Variants in UBQLN2 observed in about 807,000 individuals in gnomAD.
UBQLN2 encodes ubiquilin 2.
Under a neutral mutation model 22.2 loss-of-function variants are expected in UBQLN2, and 2 were observed. The observed-to-expected ratio is 0.09, with a 90% confidence interval of 0.04 to 0.28. The LOEUF is 0.28. Ranked by LOEUF, UBQLN2 falls within the 10% of genes least tolerant of loss-of-function variation. The pLI, the probability that UBQLN2 is intolerant of heterozygous loss-of-function variation, is 1.00. For missense variants in UBQLN2, 446 were observed against 505.1 expected (o/e 0.88, Z 1.12); for synonymous variants, 252 against 206.7 (o/e 1.22, Z -1.88).
At position 56,565,769 on chromosome X, in the gene UBQLN2, A is replaced by C. The variant is rs1044684488; in HGVS notation, c.*21A>C. 3 of 1,162,760 alleles carry C rather than the reference A, an allele frequency of 2.6e-6. No homozygotes were observed. The African/African-American group carries it at 5.3e-5, about 21-fold the overall frequency. ...CGTAATCACATTTCTGTACCTGGAAAAAAAATGTATCTTATTTTTGATAAT... is the reference window on the plus strand; with the variant it reads ...CGTAATCACATTTCTGTACCTGGAACAAAAATGTATCTTATTTTTGATAAT... On this transcript the variant is annotated 3_prime_UTR_variant, in exon 1 of 1. Coordinates refer to ENST00000338222, the MANE Select transcript of UBQLN2 (RefSeq NM_013444.4).
Position 56,564,917 on chromosome X carries a change from T to C in UBQLN2, c.1044T>C (p.Asn348=). The C allele has an allele frequency of 1.7e-6, 2 of 1,211,029 alleles. No individual in the cohort carries two copies. Among genetic ancestry groups the C allele is most frequent in the Non-Finnish European group, 2.2e-6 (2 of 895,064 alleles). The part of the protein sequence containing the change: ...TGSGSGNSSS[N]ATGNTVAAAN... ...GTGGGTCTGGCAATAGTTCCAGCAA[T>C]GCTACTGGGAACACCGTTGCTGCCG... The change falls in exon 1 of 1, where the codon AAT becomes AAC. Residue 348 remains asparagine (N), a synonymous_variant. Coordinates refer to ENST00000338222, the MANE Select transcript of UBQLN2 (RefSeq NM_013444.4).
chrX:56,565,780 C>T lies in UBQLN2; in HGVS notation c.*32C>T. On this transcript the variant is annotated 3_prime_UTR_variant, in exon 1 of 1. Coordinates refer to ENST00000338222, the MANE Select transcript of UBQLN2 (RefSeq NM_013444.4). ...TTCTGTACCTGGAAAAAAAATGTAT[C>T]TTATTTTTGATAATGGCTCTTAAAT... 1 of 1,131,396 alleles carries T rather than the reference C, an allele frequency of 8.8e-7. No homozygotes were observed. Among genetic ancestry groups the T allele is most frequent in the Non-Finnish European group, 1.2e-6 (1 of 834,562 alleles). 93.2% of individuals were successfully genotyped at this position (1,131,396 alleles called of 1,213,427 possible). A position where few individuals can be genotyped will look rare whatever the true frequency, so the allele number is the denominator to read the frequency against.
Position 56,565,432 on chromosome X carries a change from G to A in UBQLN2, c.1559G>A (p.Gly520Asp). Reference protein sequence around the residue: ...IGPIGPIGPTGPAAPPGSTGS... With the variant: ...IGPIGPIGPTDPAAPPGSTGS... ...CCCATTGGGCCCATAGGACCCACTGGCCCTGCAGCCCCCCCTGGCTCCACC... is the reference window on the plus strand; with the variant it reads ...CCCATTGGGCCCATAGGACCCACTGACCCTGCAGCCCCCCCTGGCTCCACC... The change falls in exon 1 of 1, where the codon GGC (glycine) becomes GAC (aspartate). Residue 520 changes from glycine to aspartate, a missense_variant. This residue lies in a region of UBQLN2 where 278 missense variants were observed against 279.4 expected (regional missense o/e 1.00). Transcript: ENST00000338222. The A allele has an allele frequency of 8.4e-7, 1 of 1,193,713 alleles. No homozygotes were observed.
Position 56,564,796 on chromosome X carries a change from C to T in UBQLN2, c.923C>T (p.Ser308Phe). 8.3e-7 allele frequency: 1 copy of T among 1,211,394 alleles called. No homozygotes were observed. The highest frequency in any genetic ancestry group is 1.1e-6 in the Non-Finnish European group (1 of 895,415). Residue 308 changes from serine to phenylalanine, a missense_variant, in exon 1 of 1, where the codon TCC (serine) becomes TTC (phenylalanine). By Grantham distance (155) the Ser-to-Phe change is radical. Around this residue, in one of 3 missense-constraint regions of UBQLN2, gnomAD observed 278 missense variants for 279.4 expected, o/e 1.00. Transcript: ENST00000338222. Reference sequence around the variant, plus strand: ...TCCTCTGGGGAAGGTACGCAGCCTTCCCGCACAGAAAATCGCGATCCACTA... The same window carrying T: ...TCCTCTGGGGAAGGTACGCAGCCTTTCCGCACAGAAAATCGCGATCCACTA... ...SSSSGEGTQP[S>F]RTENRDPLPN...
Position 56,564,052 on chromosome X carries a change from C to T in UBQLN2, c.179C>T (p.Ala60Val), listed in dbSNP as rs368346745. The T allele has an allele frequency of 4.2e-6, 5 of 1,198,865 alleles. No homozygotes were observed. The highest frequency in any genetic ancestry group is 4.5e-5 in the Admixed American group (2 of 44,263). The change falls in exon 1 of 1, where the codon GCG becomes GTG. Residue 60 changes from alanine (A) to valine (V), a missense_variant. Physicochemically the swap from Ala to Val is moderately conservative, Grantham distance 64. Transcript: ENST00000338222. Reference sequence around the variant, plus strand: ...AGCTCGGTTCAGCAGTTTAAGGAAGCGATTTCGAAACGCTTCAAATCCCAA... The same window carrying T: ...AGCTCGGTTCAGCAGTTTAAGGAAGTGATTTCGAAACGCTTCAAATCCCAA... ...ENSSVQQFKE[A>V]ISKRFKSQTD...
rs1460851172 is a variant in UBQLN2 at position 56,566,782 on chromosome X, A to G, written c.*1034A>G. ...GACCCTAATATGCATTTTGATTTGT[A>G]ATTGGAAATGTAACTTTCACTGAAA... On this transcript the variant is annotated 3_prime_UTR_variant, in exon 1 of 1. Coordinates refer to ENST00000338222, the MANE Select transcript of UBQLN2 (RefSeq NM_013444.4). 1.6e-5 allele frequency: 2 copies of G among 122,909 alleles called. No homozygotes were observed. The highest frequency in any genetic ancestry group is 3.8e-5 in the Non-Finnish European group (2 of 53,108). 10.1% of individuals were successfully genotyped at this position (122,909 alleles called of 1,213,427 possible).
In UBQLN2 at chrX:56,565,013, C is replaced by A; in HGVS notation, c.1140C>A (p.Pro380=). ...TGCTGCAACAGATAACTGAAAACCC[C>A]CAGCTGATTCAGAATATGCTGTCGG... ...QSLLQQITEN[P]QLIQNMLSAP... is the part of the protein sequence containing the mutation. Residue 380 remains proline (P), a synonymous_variant, in exon 1 of 1, where the codon CCC becomes CCA. Coordinates refer to ENST00000338222, the MANE Select transcript of UBQLN2 (RefSeq NM_013444.4). 1 of 1,211,919 alleles carries A rather than the reference C, an allele frequency of 8.3e-7. No homozygotes were observed. The highest frequency in any genetic ancestry group is 2.3e-4 in the Middle Eastern group (1 of 4,353).
Position 56,564,888 on chromosome X carries a change from G to A in UBQLN2, c.1015G>A (p.Gly339Ser). ...AACTACCAGCACGACCACAAGCACT[G>A]GTAGTGGGTCTGGCAATAGTTCCAG... ...SATTSTTTST[G>S]SGSGNSSSNA... Residue 339 changes from glycine to serine, a missense_variant, in exon 1 of 1, where the codon GGT becomes AGT. Around this residue, in one of 3 missense-constraint regions of UBQLN2, gnomAD observed 278 missense variants for 279.4 expected, o/e 1.00. Coordinates refer to ENST00000338222, the MANE Select transcript of UBQLN2 (RefSeq NM_013444.4). 1 of 1,211,207 alleles carries A rather than the reference G, an allele frequency of 8.3e-7. No homozygotes were observed. Among genetic ancestry groups the A allele is most frequent in the Non-Finnish European group, 1.1e-6 (1 of 895,247 alleles).
Position 56,564,910 on chromosome X carries a change from C to G in UBQLN2, c.1037C>G (p.Ser346Cys), listed in dbSNP as rs753009660. 49 of 1,209,044 alleles carry G rather than the reference C, an allele frequency of 4.1e-5. No homozygotes were observed. Among genetic ancestry groups the G allele is most frequent in the Non-Finnish European group, 5.0e-5 (45 of 894,823 alleles). Reference protein sequence around the residue: ...TSTGSGSGNSSSNATGNTVAA... With the variant: ...TSTGSGSGNSCSNATGNTVAA... Reference sequence around the variant, plus strand: ...ACTGGTAGTGGGTCTGGCAATAGTTCCAGCAATGCTACTGGGAACACCGTT... The same window carrying G: ...ACTGGTAGTGGGTCTGGCAATAGTTGCAGCAATGCTACTGGGAACACCGTT... The change falls in exon 1 of 1, where the codon TCC becomes TGC. Residue 346 changes from serine to cysteine, a missense_variant. Ser to Cys is a moderately radical substitution (Grantham distance 112). Coordinates refer to ENST00000338222, the MANE Select transcript of UBQLN2 (RefSeq NM_013444.4).
chrX:56,563,908 G>C lies in UBQLN2; in HGVS notation c.35G>C (p.Arg12Pro). Reference protein sequence around the residue: ...AENGESSGPPRPSRGPAAAQG... With the variant: ...AENGESSGPPPPSRGPAAAQG... The stretch of plus-strand genomic sequence containing the variant: ...AATGGCGAGAGCAGCGGCCCCCCGC[G>C]CCCCTCCCGCGGCCCTGCTGCGGCC... The change falls in exon 1 of 1, where the codon CGC becomes CCC. Residue 12 changes from arginine (R) to proline (P), a missense_variant. Arg to Pro is a moderately radical substitution (Grantham distance 103, BLOSUM62 -2). Coordinates refer to ENST00000338222, the MANE Select transcript of UBQLN2 (RefSeq NM_013444.4). The C allele has an allele frequency of 8.7e-7, 1 of 1,150,336 alleles. No individual in the cohort carries two copies. Among genetic ancestry groups the C allele is most frequent in the South Asian group, 2.0e-5 (1 of 49,336 alleles). 94.8% of individuals were successfully genotyped at this position (1,150,336 alleles called of 1,213,427 possible).
Position 56,564,140 on chromosome X carries a change from G to A in UBQLN2, c.267G>A (p.Gln89=), listed in dbSNP as rs752481114. The change falls in exon 1 of 1, where the codon CAG becomes CAA. Residue 89 remains glutamine (Q), a synonymous_variant. Transcript: ENST00000338222. ...KILKDQDTLI[Q]HGIHDGLTVH... ...TAAAAGATCAAGATACCTTGATCCA[G>A]CATGGCATCCATGATGGGCTGACTG... 3 of 1,210,521 alleles carry A rather than the reference G, an allele frequency of 2.5e-6. No homozygotes were observed. In the East Asian group the frequency reaches 8.9e-5, roughly 36 times the overall value.
rs759914775 is a variant in UBQLN2, at chrX:56,563,942, G to A, written c.69G>A (p.Ser23=). ...GCGGCCCTGCTGCGGCCCAAGGCTCGGCTGCTGCCCCGGCTGAGCCTAAAA... is the reference window on the plus strand; with the variant it reads ...GCGGCCCTGCTGCGGCCCAAGGCTCAGCTGCTGCCCCGGCTGAGCCTAAAA... ...PSRGPAAAQG[S]AAAPAEPKII... is the part of the protein sequence containing the mutation. The change falls in exon 1 of 1, where the codon TCG becomes TCA. Residue 23 remains serine (S), a synonymous_variant. Coordinates refer to ENST00000338222, the MANE Select transcript of UBQLN2 (RefSeq NM_013444.4). The A allele has an allele frequency of 6.9e-6, 8 of 1,159,682 alleles. No individual in the cohort carries two copies. The Admixed American group carries it at 1.8e-4, about 26-fold the overall frequency.
At position 56,564,693 on chromosome X, in the gene UBQLN2, G is replaced by A; in HGVS notation, c.820G>A (p.Asp274Asn). 1 of 1,211,439 alleles carries A rather than the reference G, an allele frequency of 8.3e-7. No individual in the cohort carries two copies. Among genetic ancestry groups the A allele is most frequent in the East Asian group, 3.0e-5 (1 of 33,821 alleles). ...TAATGCTTTACGGCGCATGTACACT[G>A]ACATTCAAGAGCCGATGCTGAATGC... ...GYNALRRMYT[D>N]IQEPMLNAAQ... The change falls in exon 1 of 1, where the codon GAC becomes AAC. Residue 274 changes from aspartate (D) to asparagine (N), a missense_variant. Asp to Asn is a conservative substitution (Grantham distance 23). Coordinates refer to ENST00000338222, the MANE Select transcript of UBQLN2 (RefSeq NM_013444.4).
Position 56,565,483 on chromosome X carries a change from C to A in UBQLN2, c.1610C>A (p.Thr537Asn). The A allele has an allele frequency of 4.2e-6, 5 of 1,204,249 alleles. No individual in the cohort carries two copies. The highest frequency in any genetic ancestry group is 5.6e-6 in the Non-Finnish European group (5 of 891,352). Residue 537 changes from threonine to asparagine, a missense_variant, in exon 1 of 1, where the codon ACT becomes AAT. This residue lies in a region of UBQLN2 where 278 missense variants were observed against 279.4 expected (regional missense o/e 1.00). Transcript: ENST00000338222. ...GGCTCTGGTGGCCCCACGGGGCCTA[C>A]TGTGTCCAGCGCTGCACCTAGTGAA... ...STGSGGPTGPTVSSAAPSETT... is the reference protein window; with the variant it reads ...STGSGGPTGPNVSSAAPSETT...
In UBQLN2 at chrX:56,563,912, C is replaced by A. The variant is rs771958308; in HGVS notation, c.39C>A (p.Pro13=). 4.3e-6 allele frequency: 5 copies of A among 1,150,246 alleles called. No homozygotes were observed. The East Asian group carries it at 1.6e-4, about 36-fold the overall frequency. The allele number at this position is 1,150,246 out of a possible 1,213,427, so 94.8% of individuals were successfully genotyped here. A position where few individuals can be genotyped will look rare whatever the true frequency, so the allele number is the denominator to read the frequency against. Reference sequence around the variant, plus strand: ...GCGAGAGCAGCGGCCCCCCGCGCCCCTCCCGCGGCCCTGCTGCGGCCCAAG... The same window carrying A: ...GCGAGAGCAGCGGCCCCCCGCGCCCATCCCGCGGCCCTGCTGCGGCCCAAG... ...ENGESSGPPR[P]SRGPAAAQGS... Residue 13 remains proline (P), a synonymous_variant, in exon 1 of 1, where the codon CCC becomes CCA. Transcript: ENST00000338222.
Position 56,563,867 on chromosome X carries a change from GGCC to G in UBQLN2, c.-3_-1del. The stretch of plus-strand genomic sequence containing the variant: ...CTTCCCTGCCCGCCTGCGTCACCGC[GGCC>G]GCCATGGCTGAGAATGGCGAGAGCA... On this transcript the variant is annotated 5_prime_UTR_variant, in exon 1 of 1. Transcript: ENST00000338222. The G allele has an allele frequency of 8.8e-7, 1 of 1,140,150 alleles. No individual in the cohort carries two copies. The highest frequency in any genetic ancestry group is 1.2e-6 in the Non-Finnish European group (1 of 861,309). 94.0% of individuals were successfully genotyped at this position (1,140,150 alleles called of 1,213,427 possible). A position where few individuals can be genotyped will look rare whatever the true frequency, so the allele number is the denominator to read the frequency against.
At position 56,564,168 on chromosome X, in the gene UBQLN2, C is replaced by T; in HGVS notation, c.295C>T (p.His99Tyr). 8.3e-7 allele frequency: 1 copy of T among 1,211,721 alleles called. No homozygotes were observed. The highest frequency in any genetic ancestry group is 1.1e-6 in the Non-Finnish European group (1 of 895,234). The stretch of plus-strand genomic sequence containing the variant: ...TGGCATCCATGATGGGCTGACTGTT[C>T]ACCTTGTCATCAAAAGCCAGAACCG... The part of the protein sequence containing the change: ...QHGIHDGLTV[H>Y]LVIKSQNRPQ... Residue 99 changes from histidine to tyrosine, a missense_variant, in exon 1 of 1, where the codon CAC (histidine) becomes TAC (tyrosine). Physicochemically the swap from His to Tyr is moderately conservative, Grantham distance 83 (BLOSUM62 2). This residue lies in a region of UBQLN2 where 129 missense variants were observed against 198.1 expected (regional missense o/e 0.65). Transcript: ENST00000338222.
Position 56,565,831 on chromosome X carries a change from C to T in UBQLN2, c.*83C>T. The T allele has an allele frequency of 3.2e-6, 3 of 951,495 alleles. No homozygotes were observed. Among genetic ancestry groups the T allele is most frequent in the Non-Finnish European group, 4.4e-6 (3 of 677,288 alleles). The allele number at this position is 951,495 out of a possible 1,213,427, so 78.4% of individuals were successfully genotyped here. A position where few individuals can be genotyped will look rare whatever the true frequency, so the allele number is the denominator to read the frequency against. On this transcript the variant is annotated 3_prime_UTR_variant, in exon 1 of 1. Transcript: ENST00000338222. ...CTTTAAACACACACACAAAATCGTTCTTTACTTTCATTTTGATTCTTTTAA... is the reference window on the plus strand; with the variant it reads ...CTTTAAACACACACACAAAATCGTTTTTTACTTTCATTTTGATTCTTTTAA...
rs1021892386 is a variant in UBQLN2 at position 56,563,680 on chromosome X, C to A, written c.-194C>A. On this transcript the variant is annotated 5_prime_UTR_variant, in exon 1 of 1. Coordinates refer to ENST00000338222, the MANE Select transcript of UBQLN2 (RefSeq NM_013444.4). The stretch of plus-strand genomic sequence containing the variant: ...ACCGGAGCGCGGAGACCTCAGCCAG[C>A]GGCCTACGCCCAGGCCTTTCTCCAC... 1.1e-5 allele frequency: 4 copies of A among 355,890 alleles called. No homozygotes were observed. Among genetic ancestry groups the A allele is most frequent in the South Asian group, 8.0e-5 (1 of 12,518 alleles). 29.3% of individuals were successfully genotyped at this position (355,890 alleles called of 1,213,427 possible).
Sources: gnomAD v4.1 joint callset for allele counts on GRCh38, gnomAD v4.1.1 for gene constraint, gnomAD v4.1.1 regional missense constraint, MANE v1.5 for transcripts, NCBI Gene and HGNC (gene_info 2026-07-23, HGNC 2026-07-21) for gene names.